The following MBP variants were observed in gnomAD, a reference collection of about 807,000 sequenced individuals.
MBP encodes myelin basic protein, also known as Golli-MBP.
A neutral mutation model predicts 35.8 loss-of-function variants in MBP; 16 were observed. The observed-to-expected ratio is 0.45, with a 90% CI of 0.30 to 0.68. The LOEUF is 0.68. Among genes scored for constraint, MBP ranks in the 30% least tolerant of loss-of-function variants. MBP has a pLI of 0.08. For synonymous variants in MBP, 143 were observed against 159.6 expected, an observed-to-expected ratio of 0.90 and a Z score of 0.78; for missense variants, 380 against 404.7, an observed-to-expected ratio of 0.94 and a Z score of 0.52.
intron 3 of MBP, among the ~76,000 whole-genome samples, chr18:77,032,546 C>A (rs993443263): frequency 6.6e-6 from 1 of 152,226 alleles, no homozygotes; most frequent in African/African-American, 2.4e-5. Context: ...GGGACGGGGT[C>A]GGCGAGGCGC....
chr18:77,061,540 G>T (rs1188738419), intron 3 of MBP, among the ~76,000 whole-genome samples: 2 of 152,136 alleles, frequency 1.3e-5, no homozygotes, highest in Admixed American at 1.3e-4. Flanking sequence ...ACAGCTAAAA[G>T]GTGGTAGGGC....
chr18:77,009,694 C>G (rs914393809), intron 4 of MBP, among the ~76,000 whole-genome samples: 2 of 152,272 alleles, frequency 1.3e-5, no homozygotes, highest in African/African-American at 4.8e-5. Flanking sequence ...CTGGGGGAGG[C>G]CTGCCTCCCT....
intron 2 of MBP, among the ~76,000 whole-genome samples, chr18:77,098,545 A>T (rs1232266394): frequency 6.6e-6 from 1 of 152,246 alleles, no homozygotes; most frequent in Non-Finnish European, 1.5e-5. Context: ...TGCATTTGGA[A>T]AGAGCACGAT....
In MBP at chr18:77,056,803, C is replaced by G. The variant is rs900764531; in HGVS notation, c.139+9495G>C. ...AACCTGCAGCTGAGCACACAACCCC[C>G]CTCTGCACAGGGGAACCGAGTCCAC... On this transcript the variant is annotated intron_variant, in intron 3 of 8. Transcript: ENST00000355994. Among the ~76,000 whole-genome samples, 3 of 152,184 alleles carry G rather than the reference C, an allele frequency of 2.0e-5. No individual in the cohort carries two copies. In the East Asian group the frequency reaches 5.8e-4, roughly 29 times the overall value.
chr18:77,102,188 CG>C lies in MBP; in HGVS notation c.51+3022del, dbSNP rs1458929273. On this transcript the variant is annotated intron_variant, in intron 2 of 8. Transcript: ENST00000355994. This position sits in a 1 kb window ranked among gnomAD's most constrained non-coding sequence, Gnocchi z 4.4. ...GGAGGGGGCCCTCAGCAGCCTGGGC[CG>C]GGCAGTGGGGCAGAGGCAGTGTGTG... 1.3e-5 allele frequency among the ~76,000 whole-genome samples: 2 copies of C among 152,156 alleles called. No homozygotes were observed. Among genetic ancestry groups the C allele is most frequent in the African/African-American group, 4.8e-5 (2 of 41,528 alleles).
intron 2 of MBP, among the ~76,000 whole-genome samples, chr18:77,077,691 C>T (rs112995428): frequency 6.6e-6 from 1 of 152,190 alleles, no homozygotes; most frequent in Non-Finnish European, 1.5e-5. Flanking sequence ...CCTGCACCCA[C>T]GAGATTCTTG....
chr18:76,989,770 C>G lies in MBP; in HGVS notation c.681+186G>C, dbSNP rs867667506. ...CGCACGGTGCAATCCGTGGCAGATA[C>G]AGTCGGGAAGCGCTTGCCTGGAACT... is the stretch of plus-strand genomic sequence containing the variant. On this transcript the variant is annotated intron_variant, in intron 5 of 8. Transcript: ENST00000355994. This position sits in a 1 kb window ranked among gnomAD's most constrained non-coding sequence, Gnocchi z 4.0. 3.7e-4 allele frequency: 218 copies of G among 592,550 alleles called. No individual in the cohort carries two copies. The African/African-American group carries it at 3.8e-3, about 10-fold the overall frequency. 36.7% of individuals were successfully genotyped at this position (592,550 alleles called of 1,614,324 possible). A position where few individuals can be genotyped will look rare whatever the true frequency, so the allele number is the denominator to read the frequency against.
At chr18:77,095,895 C>T (rs1476758470) in intron 2 of MBP, among the ~76,000 whole-genome samples, 4 of 152,198 alleles carry the variant, frequency 2.6e-5, no homozygotes, top group East Asian at 1.9e-4. Flanking sequence ...AGGACACCTC[C>T]GTCAGCAAAA....
intron 4 of MBP, chr18:77,009,729 C>T (rs759792495): frequency 9.2e-6 from 8 of 868,092 alleles, no homozygotes; most frequent in African/African-American, 3.4e-5. Context: ...ACAGATGCCC[C>T]GGAGGCTGGG....
intron 7 of MBP, chr18:76,987,049 C>G (rs1201851958): frequency 1.6e-5 from 16 of 985,434 alleles, no homozygotes; most frequent in Non-Finnish European, 1.8e-5. Flanking sequence ...AGAAATTCAA[C>G]AGACATTAGT....
chr18:77,091,976 T>C (rs1975547476), intron 2 of MBP, among the ~76,000 whole-genome samples: 1 of 152,242 alleles, frequency 6.6e-6, no homozygotes, highest in Admixed American at 6.5e-5. Flanking sequence ...AAAACCAGAT[T>C]GCCGAAGATA....
At chr18:77,092,358 C>T (rs1212390128) in intron 2 of MBP, among the ~76,000 whole-genome samples, 4 of 152,226 alleles carry the variant, frequency 2.6e-5, no homozygotes, top group Admixed American at 6.5e-5. Flanking sequence ...AACCCAGCCC[C>T]TCCACTCTTC....
intron 2 of MBP, among the ~76,000 whole-genome samples, chr18:77,098,399 A>G (rs1018503643): frequency 1.3e-5 from 2 of 152,132 alleles, no homozygotes; most frequent in Non-Finnish European, 1.5e-5. Context: ...TTTCATGTAC[A>G]AAGTTTATCA....
intron 3 of MBP, among the ~76,000 whole-genome samples, chr18:77,032,280 C>A (rs2123621975): frequency 6.6e-6 from 1 of 152,318 alleles, no homozygotes; most frequent in South Asian, 2.1e-4. Context: ...CATGGTGTGG[C>A]CTGTGGATTT....
intron 2 of MBP, among the ~76,000 whole-genome samples, chr18:77,084,901 G>T (rs928724282): frequency 6.6e-6 from 1 of 151,958 alleles, no homozygotes; most frequent in Non-Finnish European, 1.5e-5. Flanking sequence ...GGAAGCCACC[G>T]CTCCATCAGC....
At chr18:77,013,344 G>A (rs1568288614) in intron 4 of MBP, 1 of 985,458 alleles carries the variant, frequency 1.0e-6, no homozygotes, top group Non-Finnish European at 1.2e-6. Context: ...TGTTGCTGCT[G>A]CCTTCCGTGC....
At chr18:77,016,303 C>T (rs1971631347) in intron 4 of MBP, 16 of 986,836 alleles carry the variant, frequency 1.6e-5, no homozygotes, top group Non-Finnish European at 1.9e-5. Flanking sequence ...CTTCTCAGAC[C>T]ACAGAGAACG....
intron 3 of MBP, among the ~76,000 whole-genome samples, chr18:77,026,489 G>A (rs1022994553): frequency 1.3e-5 from 2 of 152,180 alleles, no homozygotes; most frequent in African/African-American, 4.8e-5. Context: ...GGACTTCTGT[G>A]GATGAGATGA....
In MBP at chr18:76,988,600, ACAGT is replaced by A; in HGVS notation, c.718-77_718-74del. On this transcript the variant is annotated intron_variant, in intron 6 of 8. Coordinates refer to ENST00000355994, the MANE Select transcript of MBP (RefSeq NM_001025101.2). The surrounding 1 kb of genome is among the most constrained non-coding windows in gnomAD (Gnocchi z 5.2). Reference sequence around the variant, plus strand: ...AAAGTCCTTTCAATCAACAGGAAACACAGTCAAAGCACAGTGGAGCTGAGGTGGT... The same window carrying A: ...AAAGTCCTTTCAATCAACAGGAAACACAAAGCACAGTGGAGCTGAGGTGGT... The A allele has an allele frequency of 6.4e-7, 1 of 1,566,312 alleles. No individual in the cohort carries two copies. The highest frequency in any genetic ancestry group is 8.6e-7 in the Non-Finnish European group (1 of 1,157,680).
Sources: gnomAD v4.1 joint callset for allele counts (sites outside exome capture counted in the v4.1 genomes callset) on GRCh38, gnomAD v4.1.1 for gene constraint, Gnocchi (gnomAD v3.1) non-coding constraint, MANE v1.5 for transcripts, NCBI Gene and HGNC (gene_info 2026-07-23, HGNC 2026-07-21) for gene names.